The following OSBPL10 variants were observed in gnomAD, a reference collection of about 807,000 sequenced individuals.
The protein encoded by OSBPL10 is oxysterol binding protein like 10, also known as oxysterol-binding protein-related protein 10.
Under a neutral mutation model 81.7 loss-of-function variants are expected in OSBPL10, and 49 were observed. The observed-to-expected ratio is 0.60, with a 90% confidence interval of 0.48 to 0.76. The LOEUF (loss-of-function observed/expected upper bound fraction) is 0.76. Ranked by LOEUF, OSBPL10 falls within the 30% of genes least tolerant of loss-of-function variation. The pLI is 0.00. For missense variants in OSBPL10, 923 were observed against 987.8 expected (o/e 0.93, Z 0.88); for synonymous variants, 419 against 383.6 (o/e 1.09, Z -1.08).
At chr3:31,946,403 CA>C (rs11129472) in intron 1 of OSBPL10, among the ~76,000 whole-genome samples, 39,635 of 143,188 alleles carry the variant, frequency 0.28, 5,242 homozygotes, top group Non-Finnish European at 0.31. Context: ...TGTTTTTTAT[CA>C]AAAAAAAAAA....
chr3:31,979,424 C>T (rs1386809503), intron 1 of OSBPL10, among the ~76,000 whole-genome samples: 3 of 152,164 alleles, frequency 2.0e-5, no homozygotes, highest in Non-Finnish European at 4.4e-5. Context: ...AGTTGAGTTT[C>T]GTGCAGATAA....
At chr3:31,761,754 G>A (rs1353214265) in intron 4 of OSBPL10, among the ~76,000 whole-genome samples, 8 of 147,224 alleles carry the variant, frequency 5.4e-5, no homozygotes, top group Non-Finnish European at 1.0e-4. Context: ...GGTGGAGGTT[G>A]CAGTGAGCCA....
chr3:31,669,113 G>A (rs892686420), intron 9 of OSBPL10, among the ~76,000 whole-genome samples: 8 of 152,076 alleles, frequency 5.3e-5, no homozygotes, highest in Non-Finnish European at 1.0e-4. Context: ...TCACTGGGAT[G>A]AAAATCAGGC....
intron 1 of OSBPL10, among the ~76,000 whole-genome samples, chr3:31,890,428 G>A (rs536105146): frequency 2.6e-5 from 4 of 152,062 alleles, no homozygotes; most frequent in African/African-American, 7.2e-5. Context: ...ACCTGGCATC[G>A]AGTTCCTGCA....
At chr3:32,052,345 G>T (rs1294360111) in intron 1 of OSBPL10, among the ~76,000 whole-genome samples, 2 of 152,088 alleles carry the variant, frequency 1.3e-5, no homozygotes, top group Non-Finnish European at 2.9e-5. Flanking sequence ...GTCATAAACT[G>T]CTTCTTTGAC....
intron 3 of OSBPL10, among the ~76,000 whole-genome samples, chr3:31,833,769 G>A (rs1167740097): frequency 6.6e-6 from 1 of 151,364 alleles, no homozygotes; most frequent in Non-Finnish European, 1.5e-5. Context: ...GAGTAGAAAT[G>A]AGGACTCTTC....
At chr3:32,018,145 T>A (rs1699331844) in intron 2 of OSBPL10, among the ~76,000 whole-genome samples, 1 of 118,418 alleles carries the variant, frequency 8.4e-6, no homozygotes, top group Admixed American at 1.0e-4. Context: ...TAAAACTCCA[T>A]CTCAATAAAT....
intron 4 of OSBPL10, chr3:31,822,212 A>G (rs1044115246): frequency 2.6e-5 from 4 of 152,258 alleles, no homozygotes; most frequent in African/African-American, 9.6e-5. Flanking sequence ...CCAGTGCAGC[A>G]AACAGCTTTC....
At chr3:31,687,696 C>T (rs1700827120) in intron 7 of OSBPL10, among the ~76,000 whole-genome samples, 1 of 152,040 alleles carries the variant, frequency 6.6e-6, no homozygotes, top group African/African-American at 2.4e-5. Context: ...TTATCTGCTT[C>T]TGGTTAACAA....
chr3:31,801,005 C>CTTT (rs35303533), intron 4 of OSBPL10, among the ~76,000 whole-genome samples: 1 of 149,398 alleles, frequency 6.7e-6, no homozygotes, highest in Non-Finnish European at 1.5e-5. Flanking sequence ...TTTAAGTGGT[C>CTTT]TTTTTTTTTT....
At chr3:31,957,057 C>T (rs1001250846) in intron 1 of OSBPL10, among the ~76,000 whole-genome samples, 1 of 152,078 alleles carries the variant, frequency 6.6e-6, no homozygotes, top group African/African-American at 2.4e-5. Flanking sequence ...ATCACCTGAG[C>T]CCGGGAGGCA....
chr3:31,953,457 G>A (rs187538846), intron 1 of OSBPL10, among the ~76,000 whole-genome samples: 20 of 152,008 alleles, frequency 1.3e-4, no homozygotes, highest in Admixed American at 5.2e-4. Flanking sequence ...GTCTAGACTG[G>A]AGTGCAGTGG....
chr3:31,905,869 A>G (rs978797100), intron 1 of OSBPL10, among the ~76,000 whole-genome samples: 2 of 148,330 alleles, frequency 1.3e-5, no homozygotes, highest in Admixed American at 1.4e-4. Context: ...TTGATTAATT[A>G]TTCTATTCCC....
chr3:31,966,153 ATG>A (rs59737552), intron 1 of OSBPL10, among the ~76,000 whole-genome samples: 6,615 of 134,770 alleles, frequency 0.049, 183 homozygotes, highest in South Asian at 0.068. Context: ...CAACAAAATT[ATG>A]TGTGTGTGTG....
At chr3:31,773,736 C>T (rs1219219804) in intron 4 of OSBPL10, among the ~76,000 whole-genome samples, 1 of 152,210 alleles carries the variant, frequency 6.6e-6, no homozygotes, top group Non-Finnish European at 1.5e-5. Context: ...CTTCATCATG[C>T]AGTAGGCACA....
intron 4 of OSBPL10, among the ~76,000 whole-genome samples, chr3:31,818,446 C>G (rs75579738): frequency 6.6e-6 from 1 of 151,550 alleles, no homozygotes; most frequent in Non-Finnish European, 1.5e-5. Flanking sequence ...TGCACGGGTG[C>G]ATATGTATGT....
chr3:32,026,096 A>AGAT (rs796960828), intron 2 of OSBPL10, among the ~76,000 whole-genome samples: 28,055 of 87,320 alleles, frequency 0.32, 3,178 homozygotes, highest in South Asian at 0.43. Context: ...GATAGATGAT[A>AGAT]GATAGATAGA....
intron 7 of OSBPL10, 120 bp downstream of exon 7, chr3:31,702,238 CT>C: frequency 1.1e-5 from 14 of 1,227,932 alleles, no homozygotes; most frequent in African/African-American, 1.5e-5. Context: ...CAATGCTGGC[CT>C]TTTTCCCCAC....
chr3:31,969,373 G>C (rs1698489467), intron 1 of OSBPL10: 1 of 152,318 alleles, frequency 6.6e-6, no homozygotes, highest in East Asian at 1.9e-4. Flanking sequence ...GAGTTGGCAA[G>C]GTTGTCTAAA....
Sources: gnomAD v4.1 joint callset for allele counts (sites outside exome capture counted in the v4.1 genomes callset) on GRCh38, gnomAD v4.1.1 for gene constraint, MANE v1.5 for transcripts, NCBI Gene and HGNC (gene_info 2026-07-23, HGNC 2026-07-21) for gene names.